Variants in KCNQ5 observed in about 807,000 individuals in gnomAD.
The protein encoded by KCNQ5 is potassium voltage-gated channel subfamily KQT member 5.
Under a neutral mutation model 98.2 loss-of-function variants are expected in KCNQ5, and 30 were observed. The observed-to-expected ratio is 0.31, with a 90% CI of 0.23 to 0.41. The LOEUF (loss-of-function observed/expected upper bound fraction) is 0.41, where lower values mean the gene tolerates loss of function less well. Among genes scored for constraint, KCNQ5 ranks in the 10% least tolerant of loss-of-function variants. KCNQ5 has a pLI of 1.00. For synonymous variants in KCNQ5, 458 were observed against 449.4 expected (o/e 1.02, Z -0.24); for missense variants, 835 against 1,182.5 (o/e 0.71, Z 4.31).
intron 1 of KCNQ5, among the ~76,000 whole-genome samples, chr6:72,980,420 T>C (rs1768381142): frequency 6.6e-6 from 1 of 152,196 alleles, no homozygotes. Context: ...TCCTAGGTAT[T>C]TCATTCTCTT....
At chr6:72,938,574 G>A (rs1766060940) in intron 1 of KCNQ5, among the ~76,000 whole-genome samples, 1 of 151,916 alleles carries the variant, frequency 6.6e-6, no homozygotes, top group African/African-American at 2.4e-5. Flanking sequence ...TAGTAGAGAT[G>A]GGGTTTCACC....
At chr6:72,691,774 C>T (rs1263074687) in intron 1 of KCNQ5, among the ~76,000 whole-genome samples, 1 of 152,172 alleles carries the variant, frequency 6.6e-6, no homozygotes, top group Non-Finnish European at 1.5e-5. Context: ...TGGGGCAAGA[C>T]TTTCTTTTGT....
chr6:72,632,970 T>C (rs1370548482), intron 1 of KCNQ5, among the ~76,000 whole-genome samples: 1 of 152,216 alleles, frequency 6.6e-6, no homozygotes, highest in Non-Finnish European at 1.5e-5. Flanking sequence ...CTGGGTGAAA[T>C]GGTAGTTCTG....
chr6:72,925,653 A>G (rs1264541987), intron 1 of KCNQ5, among the ~76,000 whole-genome samples: 1 of 152,184 alleles, frequency 6.6e-6, no homozygotes, highest in African/African-American at 2.4e-5. Flanking sequence ...GAGAAAATAA[A>G]TATGTTCAAC....
intron 7 of KCNQ5, among the ~76,000 whole-genome samples, chr6:73,118,763 T>C (rs1240204617): frequency 6.6e-6 from 1 of 152,204 alleles, no homozygotes; most frequent in Non-Finnish European, 1.5e-5. Flanking sequence ...GGCTCATGCC[T>C]GTAATCCCAG....
chr6:73,195,230 C>G lies in KCNQ5; in HGVS notation c.2615C>G (p.Thr872Ser), dbSNP rs777192486. ...PKWRESKLFI[T>S]DEEVGPEETE... ...TGGAGGGAATCCAAATTGTTTATAA[C>G]TGATGAAGAGGTGGGTCCCGAAGAG... The change falls in exon 14 of 14, where the codon ACT becomes AGT. Residue 872 changes from threonine (T) to serine (S), a missense_variant. Transcript: ENST00000370398. 6.2e-7 allele frequency: 1 copy of G among 1,614,178 alleles called. No homozygotes were observed. Among genetic ancestry groups the G allele is most frequent in the South Asian group, 1.1e-5 (1 of 91,076 alleles).
intron 1 of KCNQ5, among the ~76,000 whole-genome samples, chr6:72,980,804 G>A (rs1768403851): frequency 6.6e-6 from 1 of 152,196 alleles, no homozygotes; most frequent in Non-Finnish European, 1.5e-5. Flanking sequence ...GATATTGGTT[G>A]TGGGTTTGTC....
intron 1 of KCNQ5, among the ~76,000 whole-genome samples, chr6:72,754,325 C>T (rs1428487470): frequency 2.0e-5 from 3 of 152,022 alleles, no homozygotes; most frequent in Non-Finnish European, 4.4e-5. Context: ...TGAATATTGA[C>T]CCAAACTTGC....
intron 1 of KCNQ5, chr6:72,640,965 A>C (rs949810015): frequency 1.3e-4 from 20 of 152,170 alleles, no homozygotes; most frequent in African/African-American, 4.6e-4. Flanking sequence ...TCTTTAAATA[A>C]GCATTGTAGT....
intron 1 of KCNQ5, among the ~76,000 whole-genome samples, chr6:72,901,529 G>A (rs528846365): frequency 6.6e-5 from 10 of 152,228 alleles, no homozygotes; most frequent in Non-Finnish European, 1.5e-4. Context: ...TTTGTATAAG[G>A]TGAGAGATAA....
At chr6:72,650,317 G>T (rs1482871771) in intron 1 of KCNQ5, among the ~76,000 whole-genome samples, 1 of 151,996 alleles carries the variant, frequency 6.6e-6, no homozygotes, top group Non-Finnish European at 1.5e-5. Flanking sequence ...GTACATTCTG[G>T]TTATATCACA....
chr6:72,908,145 CA>C (rs1189345100), intron 1 of KCNQ5, among the ~76,000 whole-genome samples: 4 of 151,848 alleles, frequency 2.6e-5, no homozygotes, highest in African/African-American at 9.7e-5. Context: ...AAATTTGGAA[CA>C]TTTAAAAAGA....
At chr6:72,893,204 G>A (rs1779121644) in intron 1 of KCNQ5, among the ~76,000 whole-genome samples, 1 of 152,196 alleles carries the variant, frequency 6.6e-6, no homozygotes. Flanking sequence ...CAGAGCACAT[G>A]GGAAGCTGAG....
intron 5 of KCNQ5, 29 bp from the exon 6 acceptor site, chr6:73,105,219 AGTACTTAAG>A (rs1396708837): frequency 8.2e-7 from 1 of 1,226,588 alleles, no homozygotes; most frequent in Non-Finnish European, 1.2e-6. Flanking sequence ...TTTCCTCTCA[AGTACTTAAG>A]CTGCACATTC....
rs1479531520 is a variant in KCNQ5, at chr6:72,790,947, GA to G, written c.398+168363del. On this transcript the variant is annotated intron_variant, in intron 1 of 13. Coordinates refer to ENST00000370398, the MANE Select transcript of KCNQ5 (RefSeq NM_019842.4). ...TTTTGTTTGTTTTTAGTATGTGCCA[GA>G]AATGGTCCTGGGTCTGGAGGTAACA... 3.9e-3 allele frequency among the ~76,000 whole-genome samples: 591 copies of G among 152,274 alleles called. 3 individuals carry two copies. Among genetic ancestry groups the G allele is most frequent in the Middle Eastern group, 0.014 (4 of 294 alleles).
At chr6:72,658,231 T>C (rs1187115081) in intron 1 of KCNQ5, among the ~76,000 whole-genome samples, 1 of 152,178 alleles carries the variant, frequency 6.6e-6, no homozygotes, top group Non-Finnish European at 1.5e-5. Flanking sequence ...TCAAGTTAAA[T>C]AGTTAATTAC....
intron 3 of KCNQ5, among the ~76,000 whole-genome samples, chr6:73,046,662 G>A (rs1054865640): frequency 4.3e-4 from 4 of 9,208 alleles, no homozygotes; most frequent in Admixed American, 3.4e-3. Context: ...TATTTTTTGA[G>A]GCAGAGTTTC....
At chr6:72,935,706 C>T (rs569634165) in intron 1 of KCNQ5, among the ~76,000 whole-genome samples, 21 of 152,306 alleles carry the variant, frequency 1.4e-4, no homozygotes, top group Admixed American at 3.3e-4. Flanking sequence ...CTCAAAGGGA[C>T]GGTCTCCACT....
rs530337413 is a variant in KCNQ5 at position 73,042,332 on chromosome 6, G to C, written c.616+270G>C. Reference sequence around the variant, plus strand: ...TTGCTGAATGTCATACAGCTACTAAGTGGTAGAGCTTGAATTTTAGCCAGG... The same window carrying C: ...TTGCTGAATGTCATACAGCTACTAACTGGTAGAGCTTGAATTTTAGCCAGG... On this transcript the variant is annotated intron_variant, in intron 3 of 13. Coordinates refer to ENST00000370398, the MANE Select transcript of KCNQ5 (RefSeq NM_019842.4). 25 of 469,474 alleles carry C rather than the reference G, an allele frequency of 5.3e-5. No individual in the cohort carries two copies. In the East Asian group the frequency reaches 1.0e-3, roughly 19 times the overall value. 29.1% of individuals were successfully genotyped at this position (469,474 alleles called of 1,614,324 possible). A position where few individuals can be genotyped will look rare whatever the true frequency, so the allele number is the denominator to read the frequency against.
Sources: gnomAD v4.1 joint callset for allele counts (sites outside exome capture counted in the v4.1 genomes callset) on GRCh38, gnomAD v4.1.1 for gene constraint, MANE v1.5 for transcripts, NCBI Gene and HGNC (gene_info 2026-07-23, HGNC 2026-07-21) for gene names.